Variants in MYO1B observed in about 807,000 individuals in gnomAD.
MYO1B encodes the protein unconventional myosin-Ib.
MYO1B carries 72 observed loss-of-function variants against 159.7 expected under a neutral mutation model. The observed-to-expected ratio is 0.45, with a 90% CI of 0.37 to 0.55. The LOEUF (loss-of-function observed/expected upper bound fraction) is 0.55. Ranked by LOEUF, MYO1B falls within the 20% of genes least tolerant of loss-of-function variation. The pLI, the probability that MYO1B is intolerant of heterozygous loss-of-function variation, is 0.00. For missense variants in MYO1B, 1,062 were observed against 1,364.8 expected, an observed-to-expected ratio of 0.78 and a Z score of 3.50; for synonymous variants, 468 against 473.8, an observed-to-expected ratio of 0.99 and a Z score of 0.16.
At chr2:191,346,496 C>G (rs1029861381) in intron 6 of MYO1B, among the ~76,000 whole-genome samples, 6 of 152,074 alleles carry the variant, frequency 3.9e-5, no homozygotes, top group African/African-American at 1.4e-4. Context: ...ATCATGTTTT[C>G]TTGACATCTT....
chr2:191,400,951 G>C, intron 23 of MYO1B, 116 bp downstream of exon 23: 1 of 958,892 alleles, frequency 1.0e-6, no homozygotes, highest in Non-Finnish European at 1.6e-6. Flanking sequence ...ACTGGTGCAT[G>C]TCCTAGCCGC....
intron 13 of MYO1B, among the ~76,000 whole-genome samples, chr2:191,377,159 C>G (rs1031154755): frequency 6.6e-6 from 1 of 152,128 alleles, no homozygotes; most frequent in Non-Finnish European, 1.5e-5. Flanking sequence ...CTCCCTATCC[C>G]AATCTATAGT....
intron 21 of MYO1B, among the ~76,000 whole-genome samples, chr2:191,399,280 A>C (rs1412059269): frequency 2.1e-3 from 2 of 962 alleles, no homozygotes; most frequent in East Asian, 0.036. Context: ...GGAGAGGGAG[A>C]GGGAGAGGGA....
intron 5 of MYO1B, among the ~76,000 whole-genome samples, chr2:191,345,509 G>A (rs1210245689): frequency 6.6e-6 from 1 of 152,168 alleles, no homozygotes; most frequent in African/African-American, 2.4e-5. Context: ...CAACCATGGG[G>A]TTCTTAAACG....
At chr2:191,325,065 G>A (rs1057430338) in intron 3 of MYO1B, among the ~76,000 whole-genome samples, 6 of 152,096 alleles carry the variant, frequency 3.9e-5, no homozygotes, top group African/African-American at 1.4e-4. Context: ...TCTCTTCCAT[G>A]TCCTTGTGGA....
At chr2:191,378,983 G>C (rs1010059105) in intron 13 of MYO1B, among the ~76,000 whole-genome samples, 1 of 152,174 alleles carries the variant, frequency 6.6e-6, no homozygotes, top group East Asian at 1.9e-4. Context: ...CTTCAGGCAA[G>C]TTATATGATG....
At chr2:191,402,429 C>A in intron 23 of MYO1B, 1 of 569,440 alleles carries the variant, frequency 1.8e-6, no homozygotes, top group South Asian at 2.1e-5. Flanking sequence ...TTCTCTGGAA[C>A]AGAATCTCAG....
chr2:191,295,524 T>C lies in MYO1B; in HGVS notation c.136-587T>C, dbSNP rs1470740384. On this transcript the variant is annotated intron_variant, in intron 2 of 30. Coordinates refer to ENST00000392318, the MANE Select transcript of MYO1B (RefSeq NM_001130158.3). ...ATTTGACACTAAAACTCTGATATTA[T>C]GTTAGATATAATGAGATTATGTGGT... Among the ~76,000 whole-genome samples, 4 of 152,154 alleles carry C rather than the reference T, an allele frequency of 2.6e-5. No individual in the cohort carries two copies. In the South Asian group the frequency reaches 8.3e-4, roughly 32 times the overall value.
chr2:191,392,939 A>C (rs1695843430), intron 19 of MYO1B, 134 bp from the exon 20 acceptor site: 1 of 697,744 alleles, frequency 1.4e-6, no homozygotes, highest in Non-Finnish European at 2.4e-6. Context: ...TATATAATGC[A>C]TATGGTTTTT....
chr2:191,350,059 A>G (rs1692812107), intron 6 of MYO1B, 103 bp from the exon 7 acceptor site: 1 of 870,256 alleles, frequency 1.1e-6, no homozygotes, highest in Non-Finnish European at 1.9e-6. Context: ...TTACATTTAA[A>G]CAAATGTATA....
chr2:191,363,561 A>G (rs1415416676), intron 9 of MYO1B, 167 bp from the exon 10 acceptor site: 1 of 425,750 alleles, frequency 2.3e-6, no homozygotes, highest in African/African-American at 2.2e-5. Context: ...CCACAGCACC[A>G]GAGGTACCCC....
chr2:191,350,900 G>A (rs1291667986), intron 7 of MYO1B, among the ~76,000 whole-genome samples: 2 of 151,970 alleles, frequency 1.3e-5, no homozygotes, highest in Non-Finnish European at 2.9e-5. Flanking sequence ...AGTGCCACAC[G>A]GGGTTTTCAG....
rs184136625 is a variant in MYO1B, at chr2:191,393,921, C to A, written c.2226+699C>A. Among the ~76,000 whole-genome samples, 345 of 152,270 alleles carry A rather than the reference C, an allele frequency of 2.3e-3. 1 individual carries two copies. Among genetic ancestry groups the A allele is most frequent in the Non-Finnish European group, 3.8e-3 (259 of 68,010 alleles). On this transcript the variant is annotated intron_variant, in intron 20 of 30. Transcript: ENST00000392318. ...AATTGAAACTTGGGCTGTGTTCTCA[C>A]AAAATGAATTAAGTTTGCACTCACA...
At chr2:191,290,174 T>C (rs1459429151) in intron 2 of MYO1B, among the ~76,000 whole-genome samples, 1 of 152,238 alleles carries the variant, frequency 6.6e-6, no homozygotes, top group Non-Finnish European at 1.5e-5. Flanking sequence ...GGTCTTACTA[T>C]AAATATTTTT....
In MYO1B at chr2:191,386,043, C is replaced by G. The variant is rs781597455; in HGVS notation, c.1513C>G (p.Leu505Val). ...KCSRFLNDTS[L>V]PHSCFRIQHY... is the part of the protein sequence containing the mutation. The stretch of plus-strand genomic sequence containing the variant: ...CTCTCGGTTCCTCAATGACACGTCT[C>G]TGCCTCACAGCTGCTTCAGGATCCA... Residue 505 changes from leucine to valine, a missense_variant, in exon 16 of 31, where the codon CTG becomes GTG. Physicochemically the swap from Leu to Val is conservative, Grantham distance 32 (BLOSUM62 1). Around this residue, in one of 5 missense-constraint regions of MYO1B, gnomAD observed 26 missense variants for 26.9 expected, o/e 0.97. Coordinates refer to ENST00000392318, the MANE Select transcript of MYO1B (RefSeq NM_001130158.3). 1.2e-6 allele frequency: 2 copies of G among 1,614,138 alleles called. No individual in the cohort carries two copies. Among genetic ancestry groups the G allele is most frequent in the Non-Finnish European group, 1.7e-6 (2 of 1,180,008 alleles).
chr2:191,415,535 C>A (rs1697503857), intron 29 of MYO1B, among the ~76,000 whole-genome samples: 1 of 151,766 alleles, frequency 6.6e-6, no homozygotes, highest in East Asian at 1.9e-4. Context: ...CAGGCCATAC[C>A]CCTATGAAAT....
chr2:191,254,143 G>A (rs1401148691), intron 1 of MYO1B, among the ~76,000 whole-genome samples: 1 of 152,156 alleles, frequency 6.6e-6, no homozygotes, highest in Non-Finnish European at 1.5e-5. Context: ...CTGCAGTTGG[G>A]TGGCTTTTCC....
At chr2:191,349,298 G>A (rs896796012) in intron 6 of MYO1B, among the ~76,000 whole-genome samples, 13 of 152,174 alleles carry the variant, frequency 8.5e-5, no homozygotes, top group African/African-American at 1.2e-4. Context: ...TGCATAAGCC[G>A]ATAAAAAGGC....
At chr2:191,326,453 C>T (rs1043981724) in intron 3 of MYO1B, among the ~76,000 whole-genome samples, 1 of 152,058 alleles carries the variant, frequency 6.6e-6, no homozygotes, top group African/African-American at 2.4e-5. Flanking sequence ...GACATTTATA[C>T]TGTCCTTGAG....
Sources: allele counts gnomAD v4.1 joint callset (sites outside exome capture counted in the v4.1 genomes callset), GRCh38; gene constraint gnomAD v4.1.1; regional missense constraint gnomAD v4.1.1; transcripts MANE v1.5; gene names NCBI Gene and HGNC (gene_info 2026-07-23, HGNC 2026-07-21).